PLEKHB2: variants seen among roughly 807,000 people sequenced by gnomAD.
PLEKHB2 encodes pleckstrin homology domain-containing family B member 2.
Under a neutral mutation model 36.5 loss-of-function variants are expected in PLEKHB2, and 31 were observed. The observed-to-expected ratio is 0.85, with a 90% CI of 0.64 to 1.15. The LOEUF is 1.15. PLEKHB2 is among the 50% of genes most tolerant of loss of function. The pLI, the probability that PLEKHB2 is intolerant of heterozygous loss-of-function variation, is 0.00. For synonymous variants in PLEKHB2, 119 were observed against 112.0 expected, an observed-to-expected ratio of 1.06 and a Z score of -0.39; for missense variants, 262 against 295.3, an observed-to-expected ratio of 0.89 and a Z score of 0.83.
At chr2:131,124,987 G>T (rs1013150227) in intron 2 of PLEKHB2, among the ~76,000 whole-genome samples, 2 of 151,870 alleles carry the variant, frequency 1.3e-5, no homozygotes, top group South Asian at 4.2e-4. Flanking sequence ...TTTCACCATC[G>T]TGGCCAGGCT....
At chr2:131,122,478 A>G (rs1300299184) in intron 2 of PLEKHB2, among the ~76,000 whole-genome samples, 1 of 152,196 alleles carries the variant, frequency 6.6e-6, no homozygotes, top group Non-Finnish European at 1.5e-5. Flanking sequence ...TATCAAAACT[A>G]TTGTTTACGA....
chr2:131,133,003 C>G lies in PLEKHB2; in HGVS notation c.423+12C>G. ...CACCGGCCCCTGAGGTAGGGAGAAC[C>G]CTGAGCCTCCAGGTGAGGGAAGTTT... On this transcript the variant is annotated intron_variant, in intron 6 of 7. Coordinates refer to ENST00000693505, the MANE Select transcript of PLEKHB2 (RefSeq NM_001100623.2). 1.2e-6 allele frequency: 2 copies of G among 1,602,842 alleles called. No homozygotes were observed. Among genetic ancestry groups the G allele is most frequent in the Non-Finnish European group, 1.7e-6 (2 of 1,169,812 alleles).
At chr2:131,114,839 A>G (rs962606195) in intron 1 of PLEKHB2, among the ~76,000 whole-genome samples, 1 of 152,154 alleles carries the variant, frequency 6.6e-6, no homozygotes, top group Non-Finnish European at 1.5e-5. Flanking sequence ...GGAAGTTCCA[A>G]ACTTTCCCAC....
At chr2:131,105,672 C>T (rs920267082) in intron 1 of PLEKHB2, among the ~76,000 whole-genome samples, 8 of 152,168 alleles carry the variant, frequency 5.3e-5, no homozygotes, top group African/African-American at 1.9e-4. Flanking sequence ...GCCCCCCCGG[C>T]CTCTCAGACC....
At chr2:131,140,749 C>T (rs1218323383) in intron 7 of PLEKHB2, among the ~76,000 whole-genome samples, 1 of 152,190 alleles carries the variant, frequency 6.6e-6, no homozygotes, top group Non-Finnish European at 1.5e-5. Flanking sequence ...AAACACTTGG[C>T]AGGCATGAGT....
intron 1 of PLEKHB2, among the ~76,000 whole-genome samples, chr2:131,116,047 C>T (rs1464148831): frequency 6.6e-6 from 1 of 152,176 alleles, no homozygotes; most frequent in African/African-American, 2.4e-5. Flanking sequence ...CTTGAGTCAG[C>T]AGAGGAATTA....
At chr2:131,110,412 G>A (rs150296895) in intron 1 of PLEKHB2, among the ~76,000 whole-genome samples, 3,041 of 150,214 alleles carry the variant, frequency 0.02, 107 homozygotes, top group African/African-American at 0.07. Context: ...CTACTCTGTC[G>A]CCCAGGCTGG....
rs990923495 is a variant in PLEKHB2 at position 131,146,736 on chromosome 2, C to T, written c.632C>T (p.Thr211Met). ...CTGGGCATGCTGGCAGGAGCAGCCA[C>T]GGGCATGGCCTTAGGGTCTCTATTT... is the stretch of plus-strand genomic sequence containing the variant. Reference protein sequence around the residue: ...LALGMLAGAATGMALGSLFWV... With the variant: ...LALGMLAGAAMGMALGSLFWV... Residue 211 changes from threonine (T) to methionine (M), a missense_variant, in exon 8 of 8, where the codon ACG becomes ATG. Transcript: ENST00000693505. 6 of 1,613,818 alleles carry T rather than the reference C, an allele frequency of 3.7e-6. No individual in the cohort carries two copies. Among genetic ancestry groups the T allele is most frequent in the Non-Finnish European group, 5.1e-6 (6 of 1,179,850 alleles).
intron 7 of PLEKHB2, among the ~76,000 whole-genome samples, chr2:131,142,882 C>A (rs188237209): frequency 2.6e-5 from 4 of 151,946 alleles, no homozygotes; most frequent in Admixed American, 6.6e-5. Flanking sequence ...TTTTCTCCCC[C>A]CCAACTAGAC....
intron 5 of PLEKHB2, among the ~76,000 whole-genome samples, chr2:131,131,547 A>G (rs1697682758): frequency 6.6e-6 from 1 of 152,102 alleles, no homozygotes; most frequent in Admixed American, 6.6e-5. Context: ...CAGAGTTTTC[A>G]TTCTTTAGAT....
At chr2:131,132,854 C>T in intron 5 of PLEKHB2, 48 bp from the exon 6 acceptor site, 1 of 1,067,266 alleles carries the variant, frequency 9.4e-7, no homozygotes, top group Non-Finnish European at 1.5e-6. Context: ...ATCGAGCACA[C>T]AGCTGCTGGG....
rs1694626634 is a variant in PLEKHB2, at chr2:131,105,644, C to T, written c.-9+246C>T. 2.0e-5 allele frequency among the ~76,000 whole-genome samples: 3 copies of T among 152,034 alleles called. No individual in the cohort carries two copies. The South Asian group carries it at 6.2e-4, about 32-fold the overall frequency. On this transcript the variant is annotated intron_variant, in intron 1 of 7. Coordinates refer to ENST00000693505, the MANE Select transcript of PLEKHB2 (RefSeq NM_001100623.2). ...TCAGTCTCCCCTAGAGCAGCCCATTCGAGAGCCCTCCCAGTGGGCCCCCCC... is the reference window on the plus strand; with the variant it reads ...TCAGTCTCCCCTAGAGCAGCCCATTTGAGAGCCCTCCCAGTGGGCCCCCCC...
intron 5 of PLEKHB2, 95 bp from the exon 6 acceptor site, chr2:131,132,807 A>T: frequency 1.4e-6 from 1 of 728,918 alleles, no homozygotes; most frequent in Non-Finnish European, 2.4e-6. Context: ...GTTTTTTTAA[A>T]TTTTTAATTT....
At chr2:131,127,008 G>A (rs973672800) in intron 4 of PLEKHB2, 1 of 485,968 alleles carries the variant, frequency 2.1e-6, no homozygotes, top group Non-Finnish European at 3.7e-6. Flanking sequence ...TGGCAGAAAG[G>A]AATAGCAGTC....
At chr2:131,109,647 G>A (rs926618394) in intron 1 of PLEKHB2, among the ~76,000 whole-genome samples, 30 of 152,056 alleles carry the variant, frequency 2.0e-4, no homozygotes, top group African/African-American at 6.7e-4. Flanking sequence ...CCAAGATCGC[G>A]CCACTATACT....
intron 1 of PLEKHB2, among the ~76,000 whole-genome samples, chr2:131,116,655 C>T (rs1174962845): frequency 1.3e-5 from 2 of 152,142 alleles, no homozygotes; most frequent in Non-Finnish European, 1.5e-5. Context: ...CAGTCACCTC[C>T]CACCAGGCCC....
intron 2 of PLEKHB2, among the ~76,000 whole-genome samples, chr2:131,121,295 G>A (rs1696486170): frequency 6.6e-6 from 1 of 152,098 alleles, no homozygotes; most frequent in Non-Finnish European, 1.5e-5. Context: ...CACTCTTGTT[G>A]TGGAGTGCAG....
intron 7 of PLEKHB2, among the ~76,000 whole-genome samples, chr2:131,140,536 T>G (rs1698684713): frequency 6.6e-6 from 1 of 152,200 alleles, no homozygotes; most frequent in African/African-American, 2.4e-5. Flanking sequence ...TTATTGGGAT[T>G]CACTTACATT....
intron 1 of PLEKHB2, among the ~76,000 whole-genome samples, chr2:131,119,480 G>A (rs1255030003): frequency 6.6e-6 from 1 of 152,198 alleles, no homozygotes; most frequent in African/African-American, 2.4e-5. Flanking sequence ...TACCCGCTCA[G>A]CAGTCCTCCG....
Sources: gnomAD v4.1 joint callset for allele counts (sites outside exome capture counted in the v4.1 genomes callset) on GRCh38, gnomAD v4.1.1 for gene constraint, MANE v1.5 for transcripts, NCBI Gene and HGNC (gene_info 2026-07-23, HGNC 2026-07-21) for gene names.